Variants in BRINP3 observed in about 807,000 individuals in gnomAD.
BRINP3 encodes the protein BMP/retinoic acid inducible neural specific 3.
BRINP3 carries 19 observed loss-of-function variants against 71.0 expected under a neutral mutation model. The observed-to-expected ratio is 0.27, with a 90% CI of 0.19 to 0.39. BRINP3 has a LOEUF of 0.39. BRINP3 is among the 10% of genes least tolerant of loss of function. The pLI is 1.00. For missense variants in BRINP3, 959 were observed against 940.8 expected (o/e 1.02, Z -0.25); for synonymous variants, 380 against 337.7 (o/e 1.13, Z -1.37).
chr1:190,358,962 G>A (rs183752920), intron 2 of BRINP3, among the ~76,000 whole-genome samples: 8 of 152,082 alleles, frequency 5.3e-5, no homozygotes, highest in African/African-American at 7.2e-5. Flanking sequence ...ATTGAACAAC[G>A]AGAACACTTG....
intron 2 of BRINP3, among the ~76,000 whole-genome samples, chr1:190,334,635 A>C (rs1667172200): frequency 6.6e-6 from 1 of 151,814 alleles, no homozygotes; most frequent in Non-Finnish European, 1.5e-5. Flanking sequence ...CTAAGAGCAC[A>C]ATTAGTTTCT....
chr1:190,301,679 G>A (rs1664751093), intron 2 of BRINP3, among the ~76,000 whole-genome samples: 1 of 151,762 alleles, frequency 6.6e-6, no homozygotes, highest in Non-Finnish European at 1.5e-5. Flanking sequence ...AGCAAGGTGA[G>A]AAAACTATTT....
chr1:190,218,836 T>G (rs2102677315), intron 6 of BRINP3, among the ~76,000 whole-genome samples: 1 of 152,234 alleles, frequency 6.6e-6, no homozygotes, highest in Non-Finnish European at 1.5e-5. Context: ...GAGCCTACAT[T>G]TACTAACTCT....
chr1:190,251,709 A>G (rs1330850954), intron 4 of BRINP3, among the ~76,000 whole-genome samples: 2 of 152,040 alleles, frequency 1.3e-5, no homozygotes, highest in African/African-American at 4.8e-5. Flanking sequence ...AGGTAGATAA[A>G]TCAAATTCAG....
At position 190,267,684 on chromosome 1, in the gene BRINP3, A is replaced by G. The variant is rs576421649; in HGVS notation, c.428-2629T>C. ...ATTAGTTAACCTACTTTTTTTCTTC[A>G]TGGAAAAAGAAAATTACATAACGAA... On this transcript the variant is annotated intron_variant, in intron 3 of 7. Transcript: ENST00000367462. 2.3e-3 allele frequency among the ~76,000 whole-genome samples: 348 copies of G among 152,128 alleles called. 1 individual carries two copies. The highest frequency in any genetic ancestry group is 7.8e-3 in the African/African-American group (325 of 41,544).
chr1:190,333,560 A>G (rs1486029699), intron 2 of BRINP3, among the ~76,000 whole-genome samples: 2 of 152,004 alleles, frequency 1.3e-5, no homozygotes, highest in African/African-American at 4.8e-5. Context: ...ATTATATATT[A>G]ATGATGAAAT....
At chr1:190,260,406 T>C (rs1008533400) in intron 4 of BRINP3, among the ~76,000 whole-genome samples, 1 of 152,104 alleles carries the variant, frequency 6.6e-6, no homozygotes, top group Non-Finnish European at 1.5e-5. Context: ...AAACACTATG[T>C]TGTACACCCT....
At chr1:190,296,073 T>A (rs1664226555) in intron 2 of BRINP3, among the ~76,000 whole-genome samples, 1 of 146,164 alleles carries the variant, frequency 6.8e-6, no homozygotes, top group South Asian at 2.3e-4. Flanking sequence ...GTGGTTTTTT[T>A]TTTGGGGGGG....
chr1:190,214,170 G>T (rs894548646), intron 6 of BRINP3, among the ~76,000 whole-genome samples: 3 of 152,052 alleles, frequency 2.0e-5, no homozygotes, highest in Non-Finnish European at 4.4e-5. Flanking sequence ...TTTCAGAACT[G>T]CTCCAACTTG....
At chr1:190,180,074 T>C (rs1652895353) in intron 6 of BRINP3, among the ~76,000 whole-genome samples, 1 of 152,134 alleles carries the variant, frequency 6.6e-6, no homozygotes, top group African/African-American at 2.4e-5. Context: ...TGCCGTTTGT[T>C]TTTTCTTCTG....
intron 1 of BRINP3, among the ~76,000 whole-genome samples, chr1:190,470,258 AT>A (rs1677042364): frequency 6.6e-6 from 1 of 151,144 alleles, no homozygotes; most frequent in Admixed American, 6.6e-5. Context: ...AAGTCTATCT[AT>A]AAGTATTCTT....
chr1:190,334,481 T>C (rs1180880775), intron 2 of BRINP3, among the ~76,000 whole-genome samples: 1 of 151,796 alleles, frequency 6.6e-6, no homozygotes, highest in Non-Finnish European at 1.5e-5. Flanking sequence ...ATTTTATATA[T>C]TATCGCTGGA....
At chr1:190,258,300 G>A (rs898247333) in intron 4 of BRINP3, among the ~76,000 whole-genome samples, 2 of 152,178 alleles carry the variant, frequency 1.3e-5, no homozygotes, top group African/African-American at 4.8e-5. Context: ...AGCCAGGCAC[G>A]GGATATAATC....
At chr1:190,463,758 A>G (rs960692945) in intron 1 of BRINP3, among the ~76,000 whole-genome samples, 8 of 151,906 alleles carry the variant, frequency 5.3e-5, no homozygotes, top group East Asian at 1.9e-4. Flanking sequence ...ACTGATTACA[A>G]TCTATAATTT....
chr1:190,104,592 C>T (rs1035637761), intron 7 of BRINP3, among the ~76,000 whole-genome samples: 3 of 151,702 alleles, frequency 2.0e-5, no homozygotes, highest in African/African-American at 7.3e-5. Flanking sequence ...TGTGTTTCAC[C>T]TTTTTAAAAA....
Position 190,265,168 on chromosome 1 carries a change from T to A in BRINP3, c.428-113A>T, listed in dbSNP as rs990066785. 25 of 949,574 alleles carry A rather than the reference T, an allele frequency of 2.6e-5. 1 individual carries two copies. The East Asian group carries it at 5.4e-4, about 20-fold the overall frequency. 58.8% of individuals were successfully genotyped at this position (949,574 alleles called of 1,614,324 possible). On this transcript the variant is annotated intron_variant, in intron 3 of 7. Coordinates refer to ENST00000367462, the MANE Select transcript of BRINP3 (RefSeq NM_199051.3). ...AATATAGTAAAACAAAGGAGTGATATATGCCAAAAGGGCAAGGGGTTTTAT... is the reference window on the plus strand; with the variant it reads ...AATATAGTAAAACAAAGGAGTGATAAATGCCAAAAGGGCAAGGGGTTTTAT...
intron 2 of BRINP3, among the ~76,000 whole-genome samples, chr1:190,356,683 C>T (rs1668754654): frequency 6.6e-6 from 1 of 151,930 alleles, no homozygotes; most frequent in Non-Finnish European, 1.5e-5. Context: ...AAAAAATCTC[C>T]CAATCATAAG....
chr1:190,407,871 A>G (rs1558259373), intron 2 of BRINP3, among the ~76,000 whole-genome samples: 1 of 152,136 alleles, frequency 6.6e-6, no homozygotes, highest in Non-Finnish European at 1.5e-5. Context: ...ACGTTGGCTG[A>G]GAAGAATTTC....
chr1:190,161,469 C>A (rs1650947512), intron 6 of BRINP3, among the ~76,000 whole-genome samples: 1 of 151,798 alleles, frequency 6.6e-6, no homozygotes, highest in Non-Finnish European at 1.5e-5. Context: ...TTTTAACCCT[C>A]TTTGTAACTG....
Sources: allele counts gnomAD v4.1 joint callset (sites outside exome capture counted in the v4.1 genomes callset), GRCh38; gene constraint gnomAD v4.1.1; transcripts MANE v1.5; gene names NCBI Gene and HGNC (gene_info 2026-07-23, HGNC 2026-07-21).